The following CPA6 variants were observed in gnomAD, a reference collection of about 807,000 sequenced individuals.
CPA6 encodes carboxypeptidase B.
In CPA6, 58 loss-of-function variants were observed where a neutral mutation model predicts 63.3. The observed-to-expected ratio is 0.92, with a 90% CI of 0.74 to 1.14. CPA6 has a LOEUF of 1.14. CPA6 is among the 50% of genes most tolerant of loss of function. CPA6 has a pLI of 0.00. For missense variants in CPA6, 565 were observed against 526.6 expected, an observed-to-expected ratio of 1.07 and a Z score of -0.71; for synonymous variants, 185 against 179.0, an observed-to-expected ratio of 1.03 and a Z score of -0.27.
chr8:67,707,351 C>G (rs1051812097), intron 1 of CPA6, among the ~76,000 whole-genome samples: 1 of 152,168 alleles, frequency 6.6e-6, no homozygotes, highest in Admixed American at 6.5e-5. Context: ...CTTGCTGATT[C>G]TTTTTCAAAG....
intron 2 of CPA6, among the ~76,000 whole-genome samples, chr8:67,570,956 C>T (rs1025067348): frequency 6.6e-6 from 1 of 152,090 alleles, no homozygotes; most frequent in East Asian, 1.9e-4. Context: ...AAGAGATTCA[C>T]TTCATTTTTA....
chr8:67,703,045 T>G (rs931483984), intron 1 of CPA6, among the ~76,000 whole-genome samples: 11 of 152,218 alleles, frequency 7.2e-5, no homozygotes, highest in African/African-American at 2.7e-4. Context: ...AAGAATCAAG[T>G]TGCTGAGGAT....
intron 1 of CPA6, among the ~76,000 whole-genome samples, chr8:67,669,429 C>T (rs1454523261): frequency 6.6e-6 from 1 of 152,206 alleles, no homozygotes; most frequent in African/African-American, 2.4e-5. Flanking sequence ...TATACATGCT[C>T]ACCCACAGAC....
intron 8 of CPA6, among the ~76,000 whole-genome samples, chr8:67,473,036 G>T (rs144355406): frequency 1.1e-4 from 16 of 152,108 alleles, no homozygotes; most frequent in Non-Finnish European, 2.1e-4. Flanking sequence ...AATGATTTTT[G>T]CATATAATCA....
chr8:67,489,246 G>C (rs535029219), intron 6 of CPA6, among the ~76,000 whole-genome samples: 1 of 151,982 alleles, frequency 6.6e-6, no homozygotes, highest in East Asian at 1.9e-4. Context: ...GATCTGACCT[G>C]TCATTTACAT....
intron 6 of CPA6, among the ~76,000 whole-genome samples, chr8:67,494,578 G>C (rs1329410791): frequency 6.6e-6 from 1 of 152,122 alleles, no homozygotes; most frequent in African/African-American, 2.4e-5. Context: ...CATTCAGTTG[G>C]AGGTTATTCT....
At chr8:67,580,413 A>C (rs1813741184) in intron 2 of CPA6, among the ~76,000 whole-genome samples, 1 of 152,170 alleles carries the variant, frequency 6.6e-6, no homozygotes, top group South Asian at 2.1e-4. Flanking sequence ...CCTCATGAAA[A>C]GAATTGTTGA....
At chr8:67,621,691 G>A (rs1168570521) in intron 2 of CPA6, among the ~76,000 whole-genome samples, 2 of 152,204 alleles carry the variant, frequency 1.3e-5, no homozygotes, top group East Asian at 3.8e-4. Flanking sequence ...GGATGTGACT[G>A]TGTGGAGTGT....
rs867666934 is a variant in CPA6, at chr8:67,484,741, G to A, written c.685C>T (p.His229Tyr). 6.2e-7 allele frequency: 1 copy of A among 1,610,562 alleles called. No homozygotes were observed. The highest frequency in any genetic ancestry group is 8.5e-7 in the Non-Finnish European group (1 of 1,177,082). The change falls in exon 7 of 11, where the codon CAT (histidine) becomes TAT (tyrosine). Residue 229 changes from histidine to tyrosine, a missense_variant. Physicochemically the swap from His to Tyr is moderately conservative, Grantham distance 83. Coordinates refer to ENST00000297770, the MANE Select transcript of CPA6 (RefSeq NM_020361.5). ...ACAGGCATGATATAGAAATATAGATGATTCAACATTTTTCTCATGGCTGGG... is the reference window on the plus strand; with the variant it reads ...ACAGGCATGATATAGAAATATAGATAATTCAACATTTTTCTCATGGCTGGG... ...SDPAMRKMLN[H>Y]LYFYIMPVFN... is the part of the protein sequence containing the mutation.
At chr8:67,731,928 T>C (rs1817713168) in intron 1 of CPA6, among the ~76,000 whole-genome samples, 1 of 152,222 alleles carries the variant, frequency 6.6e-6, no homozygotes. Flanking sequence ...TCCTGTCTAT[T>C]CCTTAGAGGA....
chr8:67,662,575 A>G (rs538674110), intron 1 of CPA6, among the ~76,000 whole-genome samples: 17 of 124,446 alleles, frequency 1.4e-4, no homozygotes, highest in Non-Finnish European at 1.1e-4. Flanking sequence ...TAGAATACAT[A>G]CACATGTATA....
At chr8:67,453,164 A>G (rs1810592177) in intron 8 of CPA6, among the ~76,000 whole-genome samples, 2 of 152,130 alleles carry the variant, frequency 1.3e-5, no homozygotes, top group South Asian at 4.1e-4. Context: ...AGTAGTTAGA[A>G]GGCTCCTGCA....
intron 8 of CPA6, among the ~76,000 whole-genome samples, chr8:67,447,305 G>A (rs954098425): frequency 6.6e-6 from 1 of 151,950 alleles, no homozygotes; most frequent in Non-Finnish European, 1.5e-5. Context: ...CCTGCCTATT[G>A]TTGGGAATTA....
intron 2 of CPA6, among the ~76,000 whole-genome samples, chr8:67,598,591 T>C (rs77878155): frequency 6.6e-6 from 1 of 152,186 alleles, no homozygotes; most frequent in East Asian, 1.9e-4. Context: ...TAACATTGTA[T>C]TGAGCTTGAT....
At chr8:67,490,152 T>A (rs148655566) in intron 6 of CPA6, among the ~76,000 whole-genome samples, 1 of 152,178 alleles carries the variant, frequency 6.6e-6, no homozygotes, top group Non-Finnish European at 1.5e-5. Flanking sequence ...CCTTAAATAA[T>A]AGGACACAGA....
chr8:67,502,864 A>G (rs539016984), intron 6 of CPA6, among the ~76,000 whole-genome samples: 1 of 152,190 alleles, frequency 6.6e-6, no homozygotes, highest in East Asian at 1.9e-4. Context: ...CAATTATTTT[A>G]TACTTGTTGA....
At chr8:67,437,686 C>G (rs1810192555) in intron 8 of CPA6, among the ~76,000 whole-genome samples, 1 of 152,012 alleles carries the variant, frequency 6.6e-6, no homozygotes, top group African/African-American at 2.4e-5. Context: ...CAATTTAATT[C>G]AGGGTTGAAT....
intron 1 of CPA6, among the ~76,000 whole-genome samples, chr8:67,659,458 T>G (rs1816059852): frequency 6.6e-6 from 1 of 152,240 alleles, no homozygotes; most frequent in Admixed American, 6.5e-5. Flanking sequence ...ATTTTGGATA[T>G]AATTTATCTT....
intron 1 of CPA6, among the ~76,000 whole-genome samples, chr8:67,695,230 G>T (rs986018907): frequency 1.3e-5 from 2 of 152,128 alleles, no homozygotes; most frequent in Non-Finnish European, 2.9e-5. Context: ...GGCCGTAGTG[G>T]CAGGGATGCA....
Sources: allele counts gnomAD v4.1 joint callset (sites outside exome capture counted in the v4.1 genomes callset), GRCh38; gene constraint gnomAD v4.1.1; transcripts MANE v1.5; gene names NCBI Gene and HGNC (gene_info 2026-07-23, HGNC 2026-07-21).